The following KPNA3 variants were observed in gnomAD, a reference collection of about 807,000 sequenced individuals.
KPNA3 encodes the protein importin subunit alpha-4.
A neutral mutation model predicts 73.8 loss-of-function variants in KPNA3; 13 were observed. The observed-to-expected ratio is 0.18, with a 90% confidence interval of 0.11 to 0.28. The LOEUF (loss-of-function observed/expected upper bound fraction) is 0.28, where lower values mean the gene tolerates loss of function less well. Ranked by LOEUF, KPNA3 falls within the 10% of genes least tolerant of loss-of-function variation. The pLI is 1.00. For synonymous variants in KPNA3, 186 were observed against 206.9 expected (o/e 0.90, Z 0.87); for missense variants, 360 against 618.1 (o/e 0.58, Z 4.43).
chr13:49,702,591 T>G, intron 15 of KPNA3, 111 bp from the exon 16 acceptor site: 1 of 559,652 alleles, frequency 1.8e-6, no homozygotes, highest in South Asian at 2.3e-5. Flanking sequence ...AACACACTGC[T>G]CCCCCATCTA....
chr13:49,756,866 T>C (rs1008723931), intron 1 of KPNA3, among the ~76,000 whole-genome samples: 19 of 152,142 alleles, frequency 1.2e-4, no homozygotes, highest in African/African-American at 4.6e-4. Flanking sequence ...AATATACACA[T>C]TGAAAAGAAC....
chr13:49,732,264 G>A (rs1253238084), intron 6 of KPNA3, 107 bp downstream of exon 6: 1 of 492,862 alleles, frequency 2.0e-6, no homozygotes, highest in Non-Finnish European at 3.7e-6. Flanking sequence ...TATGACGATT[G>A]AAAAACATCA....
In KPNA3 at chr13:49,761,745, G is replaced by A. The variant is rs1278402674; in HGVS notation, c.70-14752C>T. On this transcript the variant is annotated intron_variant, in intron 1 of 16. Transcript: ENST00000261667. ...CCCCTCTGCCCGGCTGCCCAGTCTG[G>A]GAAGTGAGGAGCGCCTCTTCCCGGC... 3.3e-5 allele frequency among the ~76,000 whole-genome samples: 5 copies of A among 151,682 alleles called. No individual in the cohort carries two copies. The East Asian group carries it at 9.7e-4, about 30-fold the overall frequency.
chr13:49,767,577 T>A (rs1954819388), intron 1 of KPNA3, among the ~76,000 whole-genome samples: 1 of 152,166 alleles, frequency 6.6e-6, no homozygotes, highest in Non-Finnish European at 1.5e-5. Context: ...AAAGCTGCTT[T>A]AAAAAATGTG....
chr13:49,726,906 T>C (rs1195621630), intron 6 of KPNA3, among the ~76,000 whole-genome samples: 1 of 152,036 alleles, frequency 6.6e-6, no homozygotes, highest in South Asian at 2.1e-4. Context: ...TGAGCTGTGA[T>C]TGTGTCACTG....
intron 15 of KPNA3, among the ~76,000 whole-genome samples, chr13:49,703,927 T>C (rs947591172): frequency 2.0e-5 from 3 of 152,090 alleles, no homozygotes; most frequent in Non-Finnish European, 2.9e-5. Context: ...ATTACTCCTA[T>C]AGACAAAAGT....
intron 1 of KPNA3, among the ~76,000 whole-genome samples, chr13:49,778,541 G>A (rs928765811): frequency 1.3e-4 from 20 of 152,136 alleles, no homozygotes; most frequent in African/African-American, 4.8e-4. Context: ...TTACACAAAC[G>A]ACCATAAATT....
chr13:49,774,117 C>T (rs1185481533), intron 1 of KPNA3, among the ~76,000 whole-genome samples: 2 of 151,748 alleles, frequency 1.3e-5, no homozygotes, highest in East Asian at 3.9e-4. Flanking sequence ...ATTGCCCAGG[C>T]TAGTCTCAAA....
chr13:49,778,490 T>C (rs569828804), intron 1 of KPNA3, among the ~76,000 whole-genome samples: 1 of 152,370 alleles, frequency 6.6e-6, no homozygotes, highest in African/African-American at 2.4e-5. Flanking sequence ...TCAGTTGAAC[T>C]CTTTAATTTG....
At chr13:49,716,150 T>C (rs942143497) in intron 10 of KPNA3, among the ~76,000 whole-genome samples, 7 of 152,158 alleles carry the variant, frequency 4.6e-5, no homozygotes, top group Admixed American at 4.6e-4. Context: ...CTGCAAATAC[T>C]TGTAGTCTCT....
At chr13:49,753,172 C>CA (rs921088696) in intron 1 of KPNA3, among the ~76,000 whole-genome samples, 2 of 147,270 alleles carry the variant, frequency 1.4e-5, no homozygotes, top group Non-Finnish European at 3.0e-5. Context: ...AACTATAAAT[C>CA]AAAAAAAACT....
chr13:49,740,417 A>C (rs1954562929), intron 2 of KPNA3, among the ~76,000 whole-genome samples: 2 of 152,096 alleles, frequency 1.3e-5, no homozygotes, highest in South Asian at 4.1e-4. Flanking sequence ...CCCAAATCTC[A>C]TCTTGAATTG....
At chr13:49,712,959 T>G (rs1281647944) in intron 10 of KPNA3, among the ~76,000 whole-genome samples, 1 of 148,086 alleles carries the variant, frequency 6.8e-6, no homozygotes, top group Admixed American at 6.7e-5. Flanking sequence ...TGAATGGGCC[T>G]AACTAACCTA....
chr13:49,787,608 G>A (rs886232488), intron 1 of KPNA3, among the ~76,000 whole-genome samples: 7 of 152,054 alleles, frequency 4.6e-5, no homozygotes, highest in Non-Finnish European at 1.0e-4. Flanking sequence ...CCCGGTTCAA[G>A]TGATTCTCTC....
intron 1 of KPNA3, among the ~76,000 whole-genome samples, chr13:49,748,518 ATATTT>A (rs1369296549): frequency 6.6e-5 from 10 of 152,232 alleles, no homozygotes; most frequent in African/African-American, 2.2e-4. Context: ...TCAGTGTGCT[ATATTT>A]TATTTAATAA....
chr13:49,724,444 C>T (rs1398589236), intron 7 of KPNA3, among the ~76,000 whole-genome samples: 2 of 151,982 alleles, frequency 1.3e-5, no homozygotes, highest in Non-Finnish European at 2.9e-5. Context: ...GCTGGGACTA[C>T]AGGCGCCCGC....
intron 2 of KPNA3, among the ~76,000 whole-genome samples, chr13:49,737,789 C>T (rs2181185): frequency 0.85 from 128,562 of 152,098 alleles, 54,565 homozygotes; most frequent in East Asian, 1. Flanking sequence ...CTGCTGAGTT[C>T]TGAGAGTTCA....
intron 1 of KPNA3, among the ~76,000 whole-genome samples, chr13:49,757,022 C>T (rs752622198): frequency 3.9e-4 from 60 of 152,264 alleles, no homozygotes; most frequent in Non-Finnish European, 6.9e-4. Context: ...TTAACCCTGA[C>T]TTAAGCCTCA....
At chr13:49,748,823 A>C (rs2137570849) in intron 1 of KPNA3, among the ~76,000 whole-genome samples, 1 of 152,248 alleles carries the variant, frequency 6.6e-6, no homozygotes, top group East Asian at 1.9e-4. Flanking sequence ...CTATATTGTG[A>C]CTTTAGTACT....
Sources: gnomAD v4.1 joint callset for allele counts (sites outside exome capture counted in the v4.1 genomes callset) on GRCh38, gnomAD v4.1.1 for gene constraint, MANE v1.5 for transcripts, NCBI Gene and HGNC (gene_info 2026-07-23, HGNC 2026-07-21) for gene names.